Variants in MYO1D observed in about 807,000 individuals in gnomAD.
MYO1D encodes myosin ID.
Under a neutral mutation model 122.0 loss-of-function variants are expected in MYO1D, and 83 were observed. The observed-to-expected ratio is 0.68, with a 90% CI of 0.57 to 0.82. MYO1D has a LOEUF of 0.82. MYO1D is among the 40% of genes least tolerant of loss of function. The pLI is 0.00. For synonymous variants in MYO1D, 464 were observed against 446.9 expected (o/e 1.04, Z -0.48); for missense variants, 1,157 against 1,269.5 (o/e 0.91, Z 1.35).
chr17:32,528,482 G>A (rs1910414814), intron 21 of MYO1D, among the ~76,000 whole-genome samples: 2 of 149,108 alleles, frequency 1.3e-5, no homozygotes, highest in South Asian at 4.3e-4. Context: ...TATGTGTGTC[G>A]GGGGAATTAC....
At chr17:32,841,496 C>A (rs1316448037) in intron 1 of MYO1D, among the ~76,000 whole-genome samples, 3 of 151,312 alleles carry the variant, frequency 2.0e-5, no homozygotes, top group Non-Finnish European at 4.4e-5. Flanking sequence ...AACCCCTTTG[C>A]AAGTCAAGAA....
chr17:32,857,315 G>A (rs1050845767), intron 1 of MYO1D, among the ~76,000 whole-genome samples: 6 of 152,146 alleles, frequency 3.9e-5, no homozygotes, highest in Non-Finnish European at 8.8e-5. Flanking sequence ...GCCGGGCACG[G>A]TGGCTCATGC....
At chr17:32,607,966 C>T (rs2087649737) in intron 20 of MYO1D, among the ~76,000 whole-genome samples, 1 of 152,186 alleles carries the variant, frequency 6.6e-6, no homozygotes, top group African/African-American at 2.4e-5. Context: ...CTACCTAAAT[C>T]TCACATCTCG....
chr17:32,746,011 G>A (rs1332428650), intron 12 of MYO1D, among the ~76,000 whole-genome samples: 1 of 152,190 alleles, frequency 6.6e-6, no homozygotes, highest in Non-Finnish European at 1.5e-5. Flanking sequence ...AGGAGATTAA[G>A]CAAATAGGAA....
chr17:32,763,789 A>G (rs2090026821), intron 8 of MYO1D, among the ~76,000 whole-genome samples: 1 of 152,030 alleles, frequency 6.6e-6, no homozygotes, highest in African/African-American at 2.4e-5. Flanking sequence ...GCGTGGTGGC[A>G]CACTCCTGTA....
chr17:32,557,475 G>A (rs1297150646), intron 21 of MYO1D, among the ~76,000 whole-genome samples: 1 of 151,984 alleles, frequency 6.6e-6, no homozygotes, highest in East Asian at 1.9e-4. Flanking sequence ...TCTAGTTCAG[G>A]AGTCGGCAAA....
chr17:32,803,440 C>T (rs1034985609), intron 1 of MYO1D, among the ~76,000 whole-genome samples: 9 of 152,100 alleles, frequency 5.9e-5, no homozygotes, highest in Admixed American at 2.0e-4. Context: ...GCCACCACGC[C>T]GGGCCCAGAA....
intron 12 of MYO1D, among the ~76,000 whole-genome samples, chr17:32,746,962 G>A (rs746206415): frequency 2.6e-5 from 4 of 152,158 alleles, no homozygotes; most frequent in African/African-American, 4.8e-5. Context: ...CTGCATTTGC[G>A]TCATTCTGAG....
intron 19 of MYO1D, among the ~76,000 whole-genome samples, chr17:32,645,618 CT>C (rs2088279784): frequency 6.6e-6 from 1 of 151,556 alleles, no homozygotes; most frequent in East Asian, 1.9e-4. Context: ...ATTTTTTTTT[CT>C]TTAAACTTCT....
intron 10 of MYO1D, among the ~76,000 whole-genome samples, chr17:32,759,302 A>T (rs1009335927): frequency 2.6e-5 from 4 of 152,130 alleles, no homozygotes; most frequent in African/African-American, 7.2e-5. Context: ...TGGAAGGCAG[A>T]TACAATTTTG....
At chr17:32,621,675 C>A (rs1352714961) in intron 20 of MYO1D, among the ~76,000 whole-genome samples, 1 of 152,144 alleles carries the variant, frequency 6.6e-6, no homozygotes, top group Non-Finnish European at 1.5e-5. Context: ...CTCTTGTCCA[C>A]GGCTTCCAAA....
intron 11 of MYO1D, among the ~76,000 whole-genome samples, chr17:32,754,589 T>A (rs540271989): frequency 2.0e-5 from 3 of 152,352 alleles, no homozygotes; most frequent in African/African-American, 4.8e-5. Context: ...TCAAAGGAGA[T>A]AAGTTAGAAA....
chr17:32,868,543 A>G (rs1178937661), intron 1 of MYO1D, among the ~76,000 whole-genome samples: 1 of 152,204 alleles, frequency 6.6e-6, no homozygotes, highest in African/African-American at 2.4e-5. Flanking sequence ...TTAGTGAGGG[A>G]GGAAGAAATG....
intron 1 of MYO1D, among the ~76,000 whole-genome samples, chr17:32,794,912 C>T (rs982162412): frequency 3.9e-5 from 6 of 152,046 alleles, no homozygotes; most frequent in African/African-American, 1.2e-4. Context: ...GGAAGCACTA[C>T]GCTGGTCTCA....
At chr17:32,747,889 C>A (rs1167046516) in intron 12 of MYO1D, among the ~76,000 whole-genome samples, 2 of 151,710 alleles carry the variant, frequency 1.3e-5, no homozygotes, top group African/African-American at 2.4e-5. Flanking sequence ...AACACAGACA[C>A]ACAAAGAGGA....
rs765652652 is a variant in MYO1D, at chr17:32,721,106, T to C, written c.1830A>G (p.Val610=). The C allele has an allele frequency of 1.1e-5, 17 of 1,614,022 alleles. No individual in the cohort carries two copies. In the Admixed American group the frequency reaches 2.7e-4, roughly 25 times the overall value. ...IFDDERCRHQ[V]EYLGLLENVR... ...CATTTTCCAGTAGTCCAAGATATTCTACTTGGTGCCGGCAGCGTTCATCAT... is the reference window on the plus strand; with the variant it reads ...CATTTTCCAGTAGTCCAAGATATTCCACTTGGTGCCGGCAGCGTTCATCAT... The change falls in exon 15 of 22, where the codon GTA becomes GTG. Residue 610 remains valine, a synonymous_variant. Transcript: ENST00000318217.
In MYO1D at chr17:32,697,950, G is replaced by A. The variant is rs935985663; in HGVS notation, c.2121+14038C>T. On this transcript the variant is annotated intron_variant, in intron 16 of 21. Coordinates refer to ENST00000318217, the MANE Select transcript of MYO1D (RefSeq NM_015194.3). ...TGTGAGTCATAGCTGTTTCTTGAATGATGCCACTATGGTACAAAAGTGTAC... is the reference window on the plus strand; with the variant it reads ...TGTGAGTCATAGCTGTTTCTTGAATAATGCCACTATGGTACAAAAGTGTAC... Among the ~76,000 whole-genome samples the A allele has an allele frequency of 2.6e-5, 4 of 152,330 alleles. No homozygotes were observed. The East Asian group carries it at 7.7e-4, about 29-fold the overall frequency.
At chr17:32,821,796 C>T (rs2090667998) in intron 1 of MYO1D, among the ~76,000 whole-genome samples, 1 of 152,190 alleles carries the variant, frequency 6.6e-6, no homozygotes, top group African/African-American at 2.4e-5. Flanking sequence ...AGGTTGTGGA[C>T]ATCCTTTGGG....
At chr17:32,691,081 G>T (rs1014319512) in intron 16 of MYO1D, among the ~76,000 whole-genome samples, 1 of 151,722 alleles carries the variant, frequency 6.6e-6, no homozygotes, top group Non-Finnish European at 1.5e-5. Context: ...GGGCAAGATA[G>T]TCAGAACTCA....
Sources: allele counts gnomAD v4.1 joint callset (sites outside exome capture counted in the v4.1 genomes callset), GRCh38; gene constraint gnomAD v4.1.1; transcripts MANE v1.5; gene names NCBI Gene and HGNC (gene_info 2026-07-23, HGNC 2026-07-21).